PIK3C2G: variants seen among roughly 807,000 people sequenced by gnomAD.
The protein encoded by PIK3C2G is phosphatidylinositol 3-kinase C2 domain-containing subunit gamma.
A neutral mutation model predicts 181.1 loss-of-function variants in PIK3C2G; 168 were observed. The observed-to-expected ratio is 0.93, with a 90% CI of 0.82 to 1.05. PIK3C2G has a LOEUF of 1.05. Among genes scored for constraint, PIK3C2G ranks in the 50% least tolerant of loss-of-function variants. PIK3C2G has a pLI of 0.00. For synonymous variants in PIK3C2G, 573 were observed against 592.2 expected (o/e 0.97, Z 0.47); for missense variants, 1,869 against 1,732.8 (o/e 1.08, Z -1.40).
chr12:18,632,510 A>G (rs1370872764), intron 31 of PIK3C2G, among the ~76,000 whole-genome samples: 5 of 152,210 alleles, frequency 3.3e-5, no homozygotes, highest in Non-Finnish European at 1.5e-5. Context: ...GGATACAGAC[A>G]TAGTCATAAG....
At chr12:18,579,814 T>G (rs1366622968) in intron 29 of PIK3C2G, among the ~76,000 whole-genome samples, 1 of 152,120 alleles carries the variant, frequency 6.6e-6, no homozygotes, top group South Asian at 2.1e-4. Context: ...GGAATTGTGT[T>G]GTGGACTAAA....
chr12:18,689,637 A>G, the PIK3C2G span, among the ~76,000 whole-genome samples: 1 of 152,304 alleles, frequency 6.6e-6, no homozygotes, highest in Non-Finnish European at 1.5e-5. Context: ...AGGAAGGGAT[A>G]TCAAACAATA....
chr12:18,267,120 T>C (rs1399944720), intron 1 of PIK3C2G, among the ~76,000 whole-genome samples: 1 of 152,090 alleles, frequency 6.6e-6, no homozygotes, highest in African/African-American at 2.4e-5. Context: ...CTCTCACTTG[T>C]TCCTCTTATT....
chr12:18,568,911 A>T, intron 29 of PIK3C2G, among the ~76,000 whole-genome samples: 1 of 152,120 alleles, frequency 6.6e-6, no homozygotes, highest in South Asian at 2.1e-4. Flanking sequence ...GTAAAATGTA[A>T]ACACACTCAG....
chr12:18,391,139 T>G lies in PIK3C2G; in HGVS notation c.2013T>G (p.Thr671=). ...TCTTTCAGATTGATTTTCCAGCTAC[T>G]GGGTGGGAGTATATGAAACCTGATT... is the stretch of plus-strand genomic sequence containing the variant. ...PVTLQIDFPA[T]GWEYMKPDSE... The change falls in exon 15 of 33, where the codon ACT becomes ACG. Residue 671 remains threonine, a synonymous_variant. Transcript: ENST00000538779. 1 of 1,598,116 alleles carries G rather than the reference T, an allele frequency of 6.3e-7. No homozygotes were observed. The highest frequency in any genetic ancestry group is 8.5e-7 in the Non-Finnish European group (1 of 1,172,968).
the PIK3C2G span, chr12:18,701,833 ACAGT>A: frequency 3.2e-6 from 5 of 1,547,334 alleles, no homozygotes; most frequent in Non-Finnish European, 4.3e-6. Context: ...TTGCATTGTA[ACAGT>A]CACTGAAAAG....
chr12:18,533,334 T>C (rs931088944), intron 24 of PIK3C2G, among the ~76,000 whole-genome samples: 1 of 152,176 alleles, frequency 6.6e-6, no homozygotes, highest in Admixed American at 6.6e-5. Flanking sequence ...ACTGCAGTCT[T>C]CCTGCTACAC....
chr12:18,329,887 T>G (rs1937746443), intron 8 of PIK3C2G, among the ~76,000 whole-genome samples: 1 of 152,124 alleles, frequency 6.6e-6, no homozygotes, highest in Non-Finnish European at 1.5e-5. Flanking sequence ...AATGCTATCT[T>G]TGTATTAACT....
chr12:18,488,700 G>A (rs1349985879), intron 19 of PIK3C2G, 71 bp downstream of exon 19: 2 of 964,718 alleles, frequency 2.1e-6, no homozygotes, highest in African/African-American at 3.4e-5. Flanking sequence ...TAATTTCATT[G>A]TTTGCAAAGC....
At position 18,432,472 on chromosome 12, in the gene PIK3C2G, T is replaced by C. The variant is rs115400130; in HGVS notation, c.2504+8433T>C. Among the ~76,000 whole-genome samples, 1,161 of 152,260 alleles carry C rather than the reference T, an allele frequency of 7.6e-3. 16 individuals are homozygous for C. The highest frequency in any genetic ancestry group is 0.027 in the African/African-American group (1,105 of 41,556). On this transcript the variant is annotated intron_variant, in intron 18 of 32. Coordinates refer to ENST00000538779, the MANE Select transcript of PIK3C2G (RefSeq NM_001288772.2). ...ATTACATCACTGCTTCCTTAGATAG[T>C]AATCTGGTTTCCCTATAATAATGTT...
chr12:18,279,227 A>AT (rs907426822), intron 1 of PIK3C2G, among the ~76,000 whole-genome samples: 22 of 151,966 alleles, frequency 1.4e-4, no homozygotes, highest in Non-Finnish European at 2.9e-4. Flanking sequence ...AAGTTAATAC[A>AT]TTTTTTTGTT....
intron 14 of PIK3C2G, among the ~76,000 whole-genome samples, chr12:18,388,387 G>T (rs1943314084): frequency 6.6e-6 from 1 of 152,106 alleles, no homozygotes; most frequent in Non-Finnish European, 1.5e-5. Context: ...TCTCTCTTGT[G>T]CCTCAGCCTC....
chr12:18,594,816 G>C (rs999038236), intron 30 of PIK3C2G, among the ~76,000 whole-genome samples: 10 of 151,954 alleles, frequency 6.6e-5, no homozygotes, highest in African/African-American at 2.2e-4. Context: ...TTTGTCACTA[G>C]TCTCTCAAGA....
intron 31 of PIK3C2G, among the ~76,000 whole-genome samples, chr12:18,631,579 T>C (rs1949353337): frequency 6.6e-6 from 1 of 152,160 alleles, no homozygotes; most frequent in African/African-American, 2.4e-5. Flanking sequence ...ACACCAGTGG[T>C]ATATAGAATG....
At chr12:18,290,654 T>C (rs1400567222) in intron 3 of PIK3C2G, among the ~76,000 whole-genome samples, 1 of 152,190 alleles carries the variant, frequency 6.6e-6, no homozygotes, top group Non-Finnish European at 1.5e-5. Flanking sequence ...TACACTTGTT[T>C]TTGGTATAAT....
At chr12:18,333,532 C>T (rs1279238075) in intron 8 of PIK3C2G, among the ~76,000 whole-genome samples, 3 of 151,974 alleles carry the variant, frequency 2.0e-5, no homozygotes, top group Admixed American at 6.6e-5. Context: ...TGAGAACATG[C>T]GGTGTTAGGT....
Position 18,366,718 on chromosome 12 carries a change from T to C in PIK3C2G, c.1748+3832T>C, listed in dbSNP as rs551738156. Reference sequence around the variant, plus strand: ...ACATGTGGTTAAAACTTGAGATCTATACTATACCTGTTCCTTGGTTTAAAA... The same window carrying C: ...ACATGTGGTTAAAACTTGAGATCTACACTATACCTGTTCCTTGGTTTAAAA... On this transcript the variant is annotated intron_variant, in intron 12 of 32. Coordinates refer to ENST00000538779, the MANE Select transcript of PIK3C2G (RefSeq NM_001288772.2). Among the ~76,000 whole-genome samples, 5 of 150,444 alleles carry C rather than the reference T, an allele frequency of 3.3e-5. 1 individual carries two copies. Among genetic ancestry groups the C allele is most frequent in the African/African-American group, 1.2e-4 (5 of 40,818 alleles).
chr12:18,515,243 A>C (rs529237877), intron 24 of PIK3C2G, among the ~76,000 whole-genome samples: 1 of 152,094 alleles, frequency 6.6e-6, no homozygotes, highest in African/African-American at 2.4e-5. Context: ...TGGCCTCATA[A>C]GATGAGTTTG....
chr12:18,272,629 A>G (rs1334909124), intron 1 of PIK3C2G, among the ~76,000 whole-genome samples: 1 of 152,172 alleles, frequency 6.6e-6, no homozygotes, highest in East Asian at 1.9e-4. Context: ...CACTTTATTA[A>G]CCCTGCATTG....
Sources: gnomAD v4.1 joint callset for allele counts (sites outside exome capture counted in the v4.1 genomes callset) on GRCh38, gnomAD v4.1.1 for gene constraint, MANE v1.5 for transcripts, NCBI Gene and HGNC (gene_info 2026-07-23, HGNC 2026-07-21) for gene names.